ADARB2: variants seen among roughly 807,000 people sequenced by gnomAD.
ADARB2 encodes adenosine deaminase RNA specific B2 (inactive).
In ADARB2, 25 loss-of-function variants were observed where a neutral mutation model predicts 62.2. That is an observed-to-expected ratio of 0.40 (90% confidence interval 0.29 to 0.56). ADARB2 has a LOEUF of 0.56. Ranked by LOEUF, ADARB2 falls within the 20% of genes least tolerant of loss-of-function variation. The pLI, the probability that ADARB2 is intolerant of heterozygous loss-of-function variation, is 0.43. For synonymous variants in ADARB2, 572 were observed against 500.8 expected (o/e 1.14, Z -1.90); for missense variants, 1,071 against 1,077.4 (o/e 0.99, Z 0.08).
intron 1 of ADARB2, among the ~76,000 whole-genome samples, chr10:1,603,564 G>C (rs547875431): frequency 6.6e-6 from 1 of 152,072 alleles, no homozygotes; most frequent in Non-Finnish European, 1.5e-5. Context: ...GTCACCGAGA[G>C]AGCACGAGGT....
At chr10:1,642,825 C>T (rs928903909) in intron 1 of ADARB2, among the ~76,000 whole-genome samples, 2 of 152,214 alleles carry the variant, frequency 1.3e-5, no homozygotes, top group East Asian at 1.9e-4. Flanking sequence ...CACACTCACA[C>T]TCACACACAC....
At chr10:1,647,059 C>T (rs2119066604) in intron 1 of ADARB2, among the ~76,000 whole-genome samples, 1 of 152,380 alleles carries the variant, frequency 6.6e-6, no homozygotes, top group Non-Finnish European at 1.5e-5. Context: ...CGCACGAGTT[C>T]CGTCCTCACT....
At chr10:1,285,555 T>C (rs1831405130) in intron 3 of ADARB2, among the ~76,000 whole-genome samples, 1 of 152,190 alleles carries the variant, frequency 6.6e-6, no homozygotes, top group African/African-American at 2.4e-5. Context: ...AACCAGGTGC[T>C]TCCAGCTCCA....
chr10:1,280,783 G>C (rs991119399), intron 3 of ADARB2, among the ~76,000 whole-genome samples: 1 of 151,954 alleles, frequency 6.6e-6, no homozygotes, highest in African/African-American at 2.4e-5. Context: ...TGAAATTCCT[G>C]AGTGATGCTC....
Position 1,181,484 on chromosome 10 carries a change from T to A in ADARB2, c.*1709A>T, listed in dbSNP as rs1296315263. 1 of 152,260 alleles carries A rather than the reference T, an allele frequency of 6.6e-6. No individual in the cohort carries two copies. The highest frequency in any genetic ancestry group is 2.4e-5 in the African/African-American group (1 of 41,468). 9.4% of individuals were successfully genotyped at this position (152,260 alleles called of 1,614,324 possible). A position where few individuals can be genotyped will look rare whatever the true frequency, so the allele number is the denominator to read the frequency against. On this transcript the variant is annotated 3_prime_UTR_variant, in exon 10 of 10. Coordinates refer to ENST00000381312, the MANE Select transcript of ADARB2 (RefSeq NM_018702.4). Reference sequence around the variant, plus strand: ...CTACTCCAGTACCTGTTTTCTTTTCTAAAAGAACTCGAGTGATAAATTTGG... The same window carrying A: ...CTACTCCAGTACCTGTTTTCTTTTCAAAAAGAACTCGAGTGATAAATTTGG...
rs1831105862 is a variant in ADARB2 at position 1,457,246 on chromosome 10, G to A, written c.101-78086C>T. Among the ~76,000 whole-genome samples the A allele has an allele frequency of 2.0e-5, 3 of 152,236 alleles. No homozygotes were observed. In the South Asian group the frequency reaches 6.2e-4, roughly 32 times the overall value. ...ATTTAGACATAAGGCTCAGCTTGCTGCAGAGGAGTGGTGAGCATGAGGGCT... is the reference window on the plus strand; with the variant it reads ...ATTTAGACATAAGGCTCAGCTTGCTACAGAGGAGTGGTGAGCATGAGGGCT... On this transcript the variant is annotated intron_variant, in intron 1 of 9. Transcript: ENST00000381312.
At chr10:1,575,765 C>G (rs922824176) in intron 1 of ADARB2, among the ~76,000 whole-genome samples, 1 of 152,150 alleles carries the variant, frequency 6.6e-6, no homozygotes, top group Non-Finnish European at 1.5e-5. Context: ...TCACAGAGAC[C>G]GAGAGAGCCT....
At chr10:1,320,904 T>C (rs1359579808) in intron 3 of ADARB2, among the ~76,000 whole-genome samples, 1 of 152,220 alleles carries the variant, frequency 6.6e-6, no homozygotes, top group Non-Finnish European at 1.5e-5. Context: ...TGCCGTATTG[T>C]AATTGTAAAC....
Position 1,258,331 on chromosome 10 carries a change from G to T in ADARB2, c.1192+12624C>A, listed in dbSNP as rs554245339. 5.3e-5 allele frequency among the ~76,000 whole-genome samples: 8 copies of T among 152,186 alleles called. No individual in the cohort carries two copies. In the South Asian group the frequency reaches 1.7e-3, roughly 32 times the overall value. On this transcript the variant is annotated intron_variant, in intron 4 of 9. Transcript: ENST00000381312. ...CAATACTAACCTTAAATGTAAATGG[G>T]CTAAATGCTCCAATTAAAAGGCACA... is the stretch of plus-strand genomic sequence containing the variant.
intron 3 of ADARB2, among the ~76,000 whole-genome samples, chr10:1,300,438 TCTC>T (rs1421736770): frequency 6.6e-6 from 1 of 151,984 alleles, no homozygotes; most frequent in Non-Finnish European, 1.5e-5. Context: ...CCCCCACGCC[TCTC>T]CTCCTGACAT....
intron 3 of ADARB2, among the ~76,000 whole-genome samples, chr10:1,324,887 G>A (rs1419171964): frequency 6.6e-6 from 1 of 152,178 alleles, no homozygotes; most frequent in Non-Finnish European, 1.5e-5. Context: ...GGGGAAACGT[G>A]AGCGAGCCAG....
intron 4 of ADARB2, among the ~76,000 whole-genome samples, 179 bp from the exon 5 acceptor site, chr10:1,242,478 G>A (rs1054491696): frequency 3.3e-5 from 5 of 152,366 alleles, no homozygotes; most frequent in East Asian, 1.9e-4. Context: ...GTGACCGCCC[G>A]CCTGAGGGAT....
At chr10:1,214,758 T>C (rs375223475) in intron 7 of ADARB2, among the ~76,000 whole-genome samples, 54 of 152,380 alleles carry the variant, frequency 3.5e-4, no homozygotes, top group African/African-American at 1.2e-3. Flanking sequence ...TTCCTCATCA[T>C]GAATAGATGA....
At chr10:1,183,539 C>T (rs927165322) in intron 9 of ADARB2, among the ~76,000 whole-genome samples, 170 bp from the exon 10 acceptor site, 1 of 152,238 alleles carries the variant, frequency 6.6e-6, no homozygotes, top group Non-Finnish European at 1.5e-5. Flanking sequence ...CCACAGGAAA[C>T]CTAGTCATCA....
intron 1 of ADARB2, among the ~76,000 whole-genome samples, chr10:1,437,560 G>C (rs1042779430): frequency 1.3e-5 from 2 of 152,120 alleles, no homozygotes; most frequent in African/African-American, 2.4e-5. Flanking sequence ...GATCTAAAAG[G>C]CATCTCCTGC....
intron 1 of ADARB2, among the ~76,000 whole-genome samples, chr10:1,411,623 C>T (rs552969805): frequency 2.1e-4 from 32 of 152,250 alleles, no homozygotes; most frequent in East Asian, 3.9e-4. Flanking sequence ...GTGGTGGGGA[C>T]GGGCGGTCCG....
chr10:1,688,144 C>T (rs181349387), intron 1 of ADARB2, among the ~76,000 whole-genome samples: 45 of 152,330 alleles, frequency 3.0e-4, no homozygotes, highest in Admixed American at 2.4e-3. Flanking sequence ...TGTGCTGATT[C>T]GTATTTTTGG....
At chr10:1,199,612 TGTGGGCGGCCAGGTGGGCAGGTGGGCAG>T (rs370028212) in intron 8 of ADARB2, 3,376 of 224,198 alleles carry the variant, frequency 0.015, 39 homozygotes, top group African/African-American at 0.026. Context: ...CATCGCCTCC[TGTGGGCGGCCAGGTGGGCAGGTGGGCAG>T]GTGGGCGGCC....
At chr10:1,302,393 G>A (rs556039784) in intron 3 of ADARB2, among the ~76,000 whole-genome samples, 8 of 152,298 alleles carry the variant, frequency 5.3e-5, no homozygotes, top group African/African-American at 1.2e-4. Context: ...ACGGAGTCTC[G>A]CTGATTGCTA....
Sources: allele counts gnomAD v4.1 joint callset (sites outside exome capture counted in the v4.1 genomes callset), GRCh38; gene constraint gnomAD v4.1.1; transcripts MANE v1.5; gene names NCBI Gene and HGNC (gene_info 2026-07-23, HGNC 2026-07-21).